ADAMTSL3: variants seen among roughly 807,000 people sequenced by gnomAD.
ADAMTSL3 encodes the protein ADAMTS like 3.
In ADAMTSL3, 128 loss-of-function variants were observed where a neutral mutation model predicts 201.7. That is an observed-to-expected ratio of 0.63 (90% confidence interval 0.55 to 0.73). The LOEUF (loss-of-function observed/expected upper bound fraction) is 0.73. Among genes scored for constraint, ADAMTSL3 ranks in the 30% least tolerant of loss-of-function variants. The probability of loss-of-function intolerance (pLI) is 0.00; values close to 1 mark genes in which losing one functional copy is unlikely to be tolerated. For missense variants in ADAMTSL3, 1,990 were observed against 2,119.6 expected, an observed-to-expected ratio of 0.94 and a Z score of 1.20; for synonymous variants, 738 against 748.4, an observed-to-expected ratio of 0.99 and a Z score of 0.23.
At position 83,654,534 on chromosome 15, in the gene ADAMTSL3, G is replaced by T. The variant is rs1017439899; in HGVS notation, c.-34+258G>T. ...TCGGCGGCAGTTCGCGGGCTGAGGG[G>T]CGTTCTTGATTATGGGGGAACTCCA... On this transcript the variant is annotated intron_variant, in intron 1 of 29. Transcript: ENST00000286744. This position sits in a 1 kb window ranked among gnomAD's most constrained non-coding sequence, Gnocchi z 5.3. Among the ~76,000 whole-genome samples the T allele has an allele frequency of 3.9e-5, 6 of 152,090 alleles. No individual in the cohort carries two copies. The highest frequency in any genetic ancestry group is 8.8e-5 in the Non-Finnish European group (6 of 68,026).
intron 19 of ADAMTSL3, among the ~76,000 whole-genome samples, chr15:83,967,668 A>G (rs1208983364): frequency 6.6e-6 from 1 of 152,226 alleles, no homozygotes; most frequent in Non-Finnish European, 1.5e-5. Flanking sequence ...TCTTCACAGA[A>G]TTAGAAAAAA....
chr15:83,730,699 C>A (rs1427453574), intron 3 of ADAMTSL3, among the ~76,000 whole-genome samples: 6 of 151,722 alleles, frequency 4.0e-5, no homozygotes, highest in African/African-American at 9.7e-5. Context: ...ATATGGTTTG[C>A]AAATATTTTG....
chr15:83,971,406 A>C (rs1442939376), intron 20 of ADAMTSL3, among the ~76,000 whole-genome samples: 1 of 151,800 alleles, frequency 6.6e-6, no homozygotes, highest in East Asian at 1.9e-4. Flanking sequence ...AAATACAAAA[A>C]ATTAGCCGGG....
intron 6 of ADAMTSL3, among the ~76,000 whole-genome samples, chr15:83,822,474 C>T (rs2063900534): frequency 7.1e-6 from 1 of 140,636 alleles, no homozygotes; most frequent in Non-Finnish European, 1.5e-5. Context: ...CCTCACTTCT[C>T]AGACGGGGCG....
chr15:84,020,877 C>G (rs186840428), intron 25 of ADAMTSL3, among the ~76,000 whole-genome samples: 22 of 152,350 alleles, frequency 1.4e-4, no homozygotes, highest in African/African-American at 5.3e-4. Flanking sequence ...TATGCAGTCA[C>G]AGGATCAATC....
At chr15:83,695,428 T>C (rs1183502704) in intron 2 of ADAMTSL3, among the ~76,000 whole-genome samples, 1 of 151,908 alleles carries the variant, frequency 6.6e-6, no homozygotes, top group African/African-American at 2.4e-5. Flanking sequence ...AGCCTGTCCA[T>C]GTAAACAGCT....
intron 6 of ADAMTSL3, among the ~76,000 whole-genome samples, chr15:83,820,396 A>G (rs1238853927): frequency 1.3e-5 from 2 of 152,116 alleles, no homozygotes; most frequent in Non-Finnish European, 2.9e-5. Context: ...GTGATTCTCT[A>G]ACTTGAACAA....
At position 83,819,927 on chromosome 15, in the gene ADAMTSL3, G is replaced by A. The variant is rs202240392; in HGVS notation, c.480G>A (p.Pro160=). ...WLPRYNDPAA[P]CALKCHAQGQ... is the part of the protein sequence containing the mutation. ...CACGATATAATGATCCTGCTGCCCC[G>A]TGTGCACTCAAGTGTCATGCACAAG... The change falls in exon 6 of 30, where the codon CCG becomes CCA. Residue 160 remains proline, a synonymous_variant. Transcript: ENST00000286744. The A allele has an allele frequency of 5.8e-5, 94 of 1,614,056 alleles. No homozygotes were observed. Among genetic ancestry groups the A allele is most frequent in the Middle Eastern group, 3.3e-4 (2 of 6,060 alleles).
At chr15:83,764,068 A>C (rs577361729) in intron 3 of ADAMTSL3, among the ~76,000 whole-genome samples, 1 of 152,098 alleles carries the variant, frequency 6.6e-6, no homozygotes. Context: ...TCATCCTAAC[A>C]TCTCCTTTCT....
chr15:83,752,798 A>C (rs2062658017), intron 3 of ADAMTSL3, among the ~76,000 whole-genome samples: 2 of 152,350 alleles, frequency 1.3e-5, no homozygotes, highest in Admixed American at 6.5e-5. Context: ...CTCTATTTAC[A>C]ACCCACTGAA....
intron 23 of ADAMTSL3, among the ~76,000 whole-genome samples, chr15:84,011,511 A>AGATCAAGAT (rs1333783641): frequency 2.0e-4 from 31 of 152,214 alleles, no homozygotes; most frequent in African/African-American, 7.5e-4. Flanking sequence ...AGGAGGTCCA[A>AGATCAAGAT]GATCAAGATG....
At chr15:83,740,996 G>A (rs925877001) in intron 3 of ADAMTSL3, among the ~76,000 whole-genome samples, 59 of 152,114 alleles carry the variant, frequency 3.9e-4, no homozygotes, top group African/African-American at 1.3e-3. Context: ...TTTTCTATGT[G>A]AATTGTAACA....
At chr15:83,861,560 G>A (rs1028887558) in intron 8 of ADAMTSL3, 16 of 158,114 alleles carry the variant, frequency 1.0e-4, no homozygotes, top group East Asian at 5.7e-4. Context: ...GCAGCTGAGC[G>A]TCCTGACTTG....
intron 17 of ADAMTSL3, among the ~76,000 whole-genome samples, chr15:83,932,460 G>T (rs768967222): frequency 3.3e-5 from 5 of 152,158 alleles, no homozygotes; most frequent in Non-Finnish European, 7.4e-5. Context: ...TAGACCTTCA[G>T]AAAGTAAGGA....
intron 20 of ADAMTSL3, among the ~76,000 whole-genome samples, chr15:83,972,246 A>G (rs1250946406): frequency 6.6e-6 from 1 of 152,116 alleles, no homozygotes; most frequent in Non-Finnish European, 1.5e-5. Flanking sequence ...CTGCCTCTCT[A>G]TGCTGATTCA....
chr15:83,855,438 C>A (rs2064711408), intron 7 of ADAMTSL3, among the ~76,000 whole-genome samples: 1 of 152,166 alleles, frequency 6.6e-6, no homozygotes, highest in Admixed American at 6.6e-5. Context: ...GGCAAACTCC[C>A]AGTTAGATAA....
intron 23 of ADAMTSL3, among the ~76,000 whole-genome samples, chr15:84,004,838 T>C (rs2067865291): frequency 6.6e-6 from 1 of 152,184 alleles, no homozygotes; most frequent in Non-Finnish European, 1.5e-5. Context: ...TAGCAAATGA[T>C]CTGCAATGGC....
At chr15:83,977,360 G>T (rs1305195012) in intron 20 of ADAMTSL3, among the ~76,000 whole-genome samples, 1 of 152,204 alleles carries the variant, frequency 6.6e-6, no homozygotes, top group Non-Finnish European at 1.5e-5. Flanking sequence ...ATTTAAACTT[G>T]AGGGACCTGG....
At chr15:83,675,146 T>C (rs186239354) in intron 2 of ADAMTSL3, among the ~76,000 whole-genome samples, 1 of 152,154 alleles carries the variant, frequency 6.6e-6, no homozygotes, top group Non-Finnish European at 1.5e-5. Flanking sequence ...GGTTCTTTTT[T>C]AGATTTCTTG....
Sources: gnomAD v4.1 joint callset for allele counts (sites outside exome capture counted in the v4.1 genomes callset) on GRCh38, gnomAD v4.1.1 for gene constraint, Gnocchi (gnomAD v3.1) non-coding constraint, MANE v1.5 for transcripts, NCBI Gene and HGNC (gene_info 2026-07-23, HGNC 2026-07-21) for gene names.